STK3: variants seen among roughly 807,000 people sequenced by gnomAD.
STK3 encodes the protein serine/threonine-protein kinase 3.
STK3 carries 41 observed loss-of-function variants against 58.0 expected under a neutral mutation model. The ratio of observed to expected loss-of-function variants is 0.71; its 90% confidence interval spans 0.55 to 0.92. The LOEUF is 0.92. Among genes scored for constraint, STK3 ranks in the 40% least tolerant of loss-of-function variants. The pLI is 0.00. For missense variants in STK3, 479 were observed against 602.7 expected, an observed-to-expected ratio of 0.79 and a Z score of 2.15; for synonymous variants, 170 against 191.0, an observed-to-expected ratio of 0.89 and a Z score of 0.91.
chr8:98,650,411 A>G (rs1181655951), intron 6 of STK3, among the ~76,000 whole-genome samples: 3 of 152,258 alleles, frequency 2.0e-5, no homozygotes, highest in African/African-American at 7.2e-5. Context: ...AGCGTGAGCG[A>G]CACAGAAGAT....
the STK3 span, among the ~76,000 whole-genome samples, chr8:98,363,911 C>G: frequency 6.6e-6 from 1 of 152,226 alleles, no homozygotes; most frequent in Non-Finnish European, 1.5e-5. Context: ...CCACCAGACA[C>G]TCAAGAGTGC....
chr8:98,624,893 G>C (rs1480378180), intron 6 of STK3, among the ~76,000 whole-genome samples: 2 of 152,076 alleles, frequency 1.3e-5, no homozygotes, highest in African/African-American at 4.8e-5. Flanking sequence ...AAGTGACAGA[G>C]TAGAGTCTTG....
intron 2 of STK3, among the ~76,000 whole-genome samples, chr8:98,774,346 T>C (rs1416356398): frequency 6.6e-6 from 1 of 152,178 alleles, no homozygotes; most frequent in African/African-American, 2.4e-5. Context: ...TCTTGTCATA[T>C]CAAGACAAAG....
At chr8:98,741,747 A>G (rs1250738233) in intron 4 of STK3, among the ~76,000 whole-genome samples, 3 of 152,134 alleles carry the variant, frequency 2.0e-5, no homozygotes, top group Non-Finnish European at 2.9e-5. Flanking sequence ...ACTAAAATCG[A>G]ACCAGAACTG....
At chr8:98,941,452 G>C (rs1329828250) in intron 1 of STK3, among the ~76,000 whole-genome samples, 1 of 152,254 alleles carries the variant, frequency 6.6e-6, no homozygotes, top group Non-Finnish European at 1.5e-5. Context: ...GTGGAAGGCT[G>C]AGGAGAAGGG....
At chr8:98,754,304 T>C (rs879573760) in intron 3 of STK3, among the ~76,000 whole-genome samples, 1 of 152,118 alleles carries the variant, frequency 6.6e-6, no homozygotes, top group Admixed American at 6.5e-5. Context: ...ATGGCGCCTA[T>C]GTGGAAACTT....
At chr8:98,794,686 G>A (rs76106103) in intron 1 of STK3, among the ~76,000 whole-genome samples, 3,642 of 152,078 alleles carry the variant, frequency 0.024, 138 homozygotes, top group African/African-American at 0.081. Context: ...ACCCTGATAC[G>A]AAAACCTGGC....
At chr8:98,424,293 G>A (rs1818205192) in intron 3 of STK3, among the ~76,000 whole-genome samples, 1 of 152,256 alleles carries the variant, frequency 6.6e-6, no homozygotes, top group African/African-American at 2.4e-5. Flanking sequence ...GTGAGCAGGG[G>A]GGCTTGTCCC....
At chr8:98,737,838 G>C (rs1233491627) in intron 4 of STK3, among the ~76,000 whole-genome samples, 2 of 152,088 alleles carry the variant, frequency 1.3e-5, no homozygotes, top group Admixed American at 6.6e-5. Flanking sequence ...CTCCAGAGTA[G>C]CTGGGATTAT....
intron 4 of STK3, among the ~76,000 whole-genome samples, chr8:98,722,047 G>A (rs914287463): frequency 1.3e-5 from 2 of 151,924 alleles, no homozygotes; most frequent in Admixed American, 1.3e-4. Context: ...AAAAAGGAGT[G>A]CAATTAATTA....
At chr8:98,580,196 A>G (rs1813755773) in intron 7 of STK3, among the ~76,000 whole-genome samples, 1 of 152,148 alleles carries the variant, frequency 6.6e-6, no homozygotes. Flanking sequence ...GTTGACAGCC[A>G]AAATCAGTGG....
chr8:98,485,522 C>T (rs1051914307), intron 10 of STK3, among the ~76,000 whole-genome samples: 4 of 152,146 alleles, frequency 2.6e-5, no homozygotes, highest in African/African-American at 9.7e-5. Context: ...GAAAGTAGCA[C>T]ACAGATAAAG....
In STK3 at chr8:98,738,299, C is replaced by A. The variant is rs561011627; in HGVS notation, c.351+10977G>T. 2.0e-5 allele frequency among the ~76,000 whole-genome samples: 3 copies of A among 151,980 alleles called. No homozygotes were observed. In the South Asian group the frequency reaches 6.3e-4, roughly 32 times the overall value. On this transcript the variant is annotated intron_variant, in intron 4 of 10. Coordinates refer to ENST00000419617, the MANE Select transcript of STK3 (RefSeq NM_006281.4). The stretch of plus-strand genomic sequence containing the variant: ...ACCAGCCTGGCCAACGTGGCGAAAC[C>A]CTATCTCTACTAAAAATATAAAAAT...
At chr8:98,806,788 A>C (rs940082226) in intron 1 of STK3, among the ~76,000 whole-genome samples, 3 of 152,126 alleles carry the variant, frequency 2.0e-5, no homozygotes, top group Admixed American at 1.3e-4. Context: ...AGCAGAGGAA[A>C]GAATCACACA....
intron 4 of STK3, among the ~76,000 whole-genome samples, chr8:98,717,410 G>C (rs552971022): frequency 6.6e-6 from 1 of 152,086 alleles, no homozygotes; most frequent in Middle Eastern, 3.2e-3. Context: ...CAAGAGGCAC[G>C]TGGAAAGATC....
chr8:98,774,897 C>T, intron 1 of STK3, 78 bp from the exon 2 acceptor site: 1 of 996,640 alleles, frequency 1.0e-6, no homozygotes, highest in South Asian at 2.0e-5. Context: ...TAAAATTTTA[C>T]CAAGTTTTTA....
chr8:98,631,589 G>T (rs1306054999), intron 6 of STK3, among the ~76,000 whole-genome samples: 1 of 152,040 alleles, frequency 6.6e-6, no homozygotes, highest in Non-Finnish European at 1.5e-5. Context: ...AAACATATCT[G>T]TCATTCTGTA....
At chr8:98,440,245 C>T (rs891884016) in intron 1 of STK3, among the ~76,000 whole-genome samples, 5 of 152,124 alleles carry the variant, frequency 3.3e-5, no homozygotes, top group Non-Finnish European at 7.4e-5. Flanking sequence ...CTGAGAGCCC[C>T]GGACACAGGC....
chr8:98,621,565 A>C (rs1010461552), intron 6 of STK3, among the ~76,000 whole-genome samples: 1 of 152,174 alleles, frequency 6.6e-6, no homozygotes, highest in African/African-American at 2.4e-5. Flanking sequence ...AAATTGAAGA[A>C]GTTATCTTTA....
Sources: gnomAD v4.1 joint callset for allele counts (sites outside exome capture counted in the v4.1 genomes callset) on GRCh38, gnomAD v4.1.1 for gene constraint, MANE v1.5 for transcripts, NCBI Gene and HGNC (gene_info 2026-07-23, HGNC 2026-07-21) for gene names.